The following ITGA10 variants were observed in gnomAD, a reference collection of about 807,000 sequenced individuals.
The protein encoded by ITGA10 is integrin subunit alpha 10, also known as integrin alpha-10.
ITGA10 carries 105 observed loss-of-function variants against 145.2 expected under a neutral mutation model. The observed-to-expected ratio is 0.72, with a 90% CI of 0.62 to 0.85. The LOEUF is 0.85. ITGA10 is among the 40% of genes least tolerant of loss of function. ITGA10 has a pLI of 0.00. For missense variants in ITGA10, 1,317 were observed against 1,444.5 expected (o/e 0.91, Z 1.43); for synonymous variants, 506 against 557.8 (o/e 0.91, Z 1.31).
At chr1:145,902,125 T>A (rs1451614256) in intron 10 of ITGA10, 104 bp from the exon 11 acceptor site, 2 of 1,580,786 alleles carry the variant, frequency 1.3e-6, no homozygotes, top group Non-Finnish European at 1.7e-6. Context: ...CTGGGCTCAG[T>A]TGGAAAGGCA....
intron 5 of ITGA10, chr1:145,906,096 ATT>A (rs781863342): frequency 6.3e-4 from 162 of 255,974 alleles, no homozygotes; most frequent in Middle Eastern, 4.2e-3. Context: ...TAATTTTTGT[ATT>A]TTTTTTTTTT....
intron 18 of ITGA10, 103 bp downstream of exon 18, chr1:145,898,007 C>T: frequency 7.8e-7 from 1 of 1,277,016 alleles, no homozygotes; most frequent in African/African-American, 1.5e-5. Context: ...ATTAGAGGAG[C>T]CCAGGTCAGA....
rs1553745455 is a variant in ITGA10, at chr1:145,897,083, G to A, written c.2672C>T (p.Thr891Ile). 5 of 1,613,718 alleles carry A rather than the reference G, an allele frequency of 3.1e-6. No individual in the cohort carries two copies. In the East Asian group the frequency reaches 1.1e-4, roughly 36 times the overall value. ...GCTAAACTCAAACTCTAGCAGAAAG[G>A]TCACCTAGGGGCAGGGGACACAGGG... Reference protein sequence around the residue: ...HPVFQTGAKVTFLLEFEFSCS... With the variant: ...HPVFQTGAKVIFLLEFEFSCS... The change falls in exon 22 of 30, where the codon ACC becomes ATC. Residue 891 changes from threonine (T) to isoleucine (I), a missense_variant. Transcript: ENST00000369304.
chr1:145,900,669 C>T, intron 14 of ITGA10, 121 bp downstream of exon 14: 1 of 1,013,358 alleles, frequency 9.9e-7, no homozygotes, highest in Non-Finnish European at 1.5e-6. Context: ...ATGTTTTTGC[C>T]TACTAATAAA....
chr1:145,905,514 C>T (rs1222543651), intron 5 of ITGA10, among the ~76,000 whole-genome samples: 2 of 151,934 alleles, frequency 1.3e-5, no homozygotes, highest in South Asian at 2.1e-4. Context: ...CTCCTGACCT[C>T]GTGATCCACT....
chr1:145,902,040 T>C lies in ITGA10; in HGVS notation c.1150-19A>G. 8.7e-6 allele frequency: 14 copies of C among 1,613,030 alleles called. No homozygotes were observed. The highest frequency in any genetic ancestry group is 1.2e-5 in the Non-Finnish European group (14 of 1,179,722). ...TCCCATCCTGTGGGACAGAAGCAGATGGGGTCACTGAGAAGACAGTGGGGA... is the reference window on the plus strand; with the variant it reads ...TCCCATCCTGTGGGACAGAAGCAGACGGGGTCACTGAGAAGACAGTGGGGA... On this transcript the variant is annotated intron_variant, in intron 10 of 29. Coordinates refer to ENST00000369304, the MANE Select transcript of ITGA10 (RefSeq NM_003637.5).
intron 1 of ITGA10, 28 bp downstream of exon 1, chr1:145,909,935 C>A (rs201222936): frequency 2.9e-5 from 47 of 1,593,798 alleles, no homozygotes; most frequent in Non-Finnish European, 3.7e-5. Context: ...CCATCCCCAC[C>A]AGAAACCAAG....
chr1:145,909,582 ATGT>A, intron 1 of ITGA10, among the ~76,000 whole-genome samples: 3 of 118,524 alleles, frequency 2.5e-5, no homozygotes, highest in African/African-American at 1.4e-4. Flanking sequence ...ATATATAATT[ATGT>A]TACATATTAT....
chr1:145,892,702 C>G lies in ITGA10; in HGVS notation c.*96G>C. 1 of 883,962 alleles carries G rather than the reference C, an allele frequency of 1.1e-6. No homozygotes were observed. Among genetic ancestry groups the G allele is most frequent in the Non-Finnish European group, 1.9e-6 (1 of 534,788 alleles). 54.8% of individuals were successfully genotyped at this position (883,962 alleles called of 1,614,324 possible). On this transcript the variant is annotated 3_prime_UTR_variant, in exon 30 of 30. Transcript: ENST00000369304. ...CTGGTCTGGGGAGATAGTCCAGAGG[C>G]GGCTTCTTGTCCCATCTGAGCCCCC...
rs1553748043 is a variant in ITGA10 at position 145,900,968 on chromosome 1, G to A, written c.1613C>T (p.Thr538Ile). The A allele has an allele frequency of 1.2e-6, 2 of 1,613,988 alleles. No individual in the cohort carries two copies. The highest frequency in any genetic ancestry group is 1.7e-5 in the Admixed American group (1 of 59,992). ...GQQSLLTLQG[T>I]LQPEPPQDAR... Reference sequence around the variant, plus strand: ...ATCCTGGGGGGGTTCTGGCTGAAGTGTTCCTTGGAGGGTCAGCAAGGACTG... The same window carrying A: ...ATCCTGGGGGGGTTCTGGCTGAAGTATTCCTTGGAGGGTCAGCAAGGACTG... Residue 538 changes from threonine to isoleucine, a missense_variant, in exon 14 of 30, where the codon ACA becomes ATA. Thr to Ile is a moderately conservative substitution (Grantham distance 89, BLOSUM62 -1). Coordinates refer to ENST00000369304, the MANE Select transcript of ITGA10 (RefSeq NM_003637.5).
rs1553748673 is a variant in ITGA10 at position 145,901,690 on chromosome 1, T to A, written c.1295-26A>T. On this transcript the variant is annotated intron_variant, in intron 11 of 29. Transcript: ENST00000369304. The surrounding 1 kb of genome is among the most constrained non-coding windows in gnomAD (Gnocchi z 4.3). Reference sequence around the variant, plus strand: ...CTAGAAGTGGGCAAAGTAACAGAGGTAAAGGAAAAGAAGATGGGGTCCAGA... The same window carrying A: ...CTAGAAGTGGGCAAAGTAACAGAGGAAAAGGAAAAGAAGATGGGGTCCAGA... 6.5e-7 allele frequency: 1 copy of A among 1,537,566 alleles called. No homozygotes were observed. Among genetic ancestry groups the A allele is most frequent in the Non-Finnish European group, 8.7e-7 (1 of 1,144,108 alleles).
In ITGA10 at chr1:145,897,239, C is replaced by T. The variant is rs1196089694; in HGVS notation, c.2667+8G>A. On this transcript the variant is annotated splice_region_variant and intron_variant, in intron 21 of 29. Coordinates refer to ENST00000369304, the MANE Select transcript of ITGA10 (RefSeq NM_003637.5). ...AGAGCCCTCTTTTCATCCTAGACCC[C>T]AACCCACCTTGGCTCCAGTCTGGAA... The T allele has an allele frequency of 1.4e-5, 23 of 1,613,804 alleles. No individual in the cohort carries two copies. Among genetic ancestry groups the T allele is most frequent in the Non-Finnish European group, 1.8e-5 (21 of 1,179,892 alleles).
At position 145,902,929 on chromosome 1, in the gene ITGA10, C is replaced by T. The variant is rs1553749614; in HGVS notation, c.791G>A (p.Arg264Gln). ...CACCAGTAGCCTGGCAGCCTCGGGT[C>T]GGCCCCCATGGGACTGACTGAACCC... Reference protein sequence around the residue: ...TEGFSQSHGGRPEAARLLVVV... With the variant: ...TEGFSQSHGGQPEAARLLVVV... Residue 264 changes from arginine to glutamine, a missense_variant, in exon 8 of 30, where the codon CGA becomes CAA. Coordinates refer to ENST00000369304, the MANE Select transcript of ITGA10 (RefSeq NM_003637.5). 8.7e-6 allele frequency: 14 copies of T among 1,612,020 alleles called. No homozygotes were observed. Among genetic ancestry groups the T allele is most frequent in the South Asian group, 2.2e-5 (2 of 90,846 alleles).
rs1317603199 is a variant in ITGA10 at position 145,896,804 on chromosome 1, G to A, written c.2799C>T (p.Ala933=). The part of the protein sequence containing the change: ...TLQDNTAQTS[A]YIQYEPHLLF... Reference sequence around the variant, plus strand: ...GGAGGTGGGGCTCATATTGGATGTAGGCTGAGGTCTGGGCTGTGTTATCTT... The same window carrying A: ...GGAGGTGGGGCTCATATTGGATGTAAGCTGAGGTCTGGGCTGTGTTATCTT... Residue 933 remains alanine (A), a synonymous_variant, in exon 23 of 30, where the codon GCC becomes GCT. Transcript: ENST00000369304. 1.2e-6 allele frequency: 2 copies of A among 1,613,942 alleles called. No homozygotes were observed. Among genetic ancestry groups the A allele is most frequent in the African/African-American group, 1.3e-5 (1 of 74,898 alleles).
chr1:145,909,714 A>G (rs1467112256), intron 1 of ITGA10, among the ~76,000 whole-genome samples: 1 of 143,378 alleles, frequency 7.0e-6, no homozygotes, highest in African/African-American at 2.6e-5. Flanking sequence ...ATTATATATT[A>G]TATAATTATT....
intron 22 of ITGA10, 59 bp downstream of exon 22, chr1:145,896,952 C>T (rs370452909): frequency 1.3e-6 from 2 of 1,548,558 alleles, no homozygotes; most frequent in African/African-American, 1.4e-5. Context: ...TCCTCCCCAC[C>T]CCTCCAGTCA....
intron 1 of ITGA10, among the ~76,000 whole-genome samples, chr1:145,908,050 G>A (rs1266464792): frequency 6.6e-6 from 1 of 151,982 alleles, no homozygotes; most frequent in African/African-American, 2.4e-5. Flanking sequence ...GATTACAGGC[G>A]TGAGCCACCG....
At chr1:145,896,672 T>G in intron 23 of ITGA10, 97 bp downstream of exon 23, 1 of 1,042,454 alleles carries the variant, frequency 9.6e-7, no homozygotes, top group Admixed American at 1.7e-5. Context: ...AGGGCTTGGG[T>G]TTTTGGAAAA....
chr1:145,901,152 C>T lies in ITGA10; in HGVS notation c.1570G>A (p.Val524Met), dbSNP rs149328575. 2.5e-6 allele frequency: 4 copies of T among 1,614,024 alleles called. No homozygotes were observed. The African/African-American group carries it at 4.0e-5, about 16-fold the overall frequency. The change falls in exon 13 of 30, where the codon GTG becomes ATG. Residue 524 changes from valine (V) to methionine (M), a missense_variant. Physicochemically the swap from Val to Met is conservative, Grantham distance 21. Transcript: ENST00000369304. This position sits in a 1 kb window ranked among gnomAD's most constrained non-coding sequence, Gnocchi z 4.3. ...AGTCTCACCTGGCCTACCAGATACA[C>T]ATAAACACGTCCTGTTTCCTTGTTC... The part of the protein sequence containing the change: ...PQNKETGRVY[V>M]YLVGQQSLLT...
Sources: allele counts gnomAD v4.1 joint callset (sites outside exome capture counted in the v4.1 genomes callset), GRCh38; gene constraint gnomAD v4.1.1; non-coding constraint Gnocchi (gnomAD v3.1); transcripts MANE v1.5; gene names NCBI Gene and HGNC (gene_info 2026-07-23, HGNC 2026-07-21).